FAT4: variants seen among roughly 807,000 people sequenced by gnomAD.
FAT4 encodes FAT atypical cadherin 4.
In FAT4, 84 loss-of-function variants were observed where a neutral mutation model predicts 303.9. That is an observed-to-expected ratio of 0.28 (90% CI 0.23 to 0.33). The LOEUF is 0.33. Among genes scored for constraint, FAT4 ranks in the 10% least tolerant of loss-of-function variants. The probability of loss-of-function intolerance (pLI) is 1.00; values close to 1 mark genes in which losing one functional copy is unlikely to be tolerated. For missense variants in FAT4, 6,005 were observed against 6,146.8 expected (o/e 0.98, Z 0.77); for synonymous variants, 2,307 against 2,298.8 (o/e 1.00, Z -0.10).
chr4:125,430,051 A>G (rs1041118105), intron 7 of FAT4, among the ~76,000 whole-genome samples: 3 of 152,022 alleles, frequency 2.0e-5, no homozygotes, highest in African/African-American at 7.2e-5. Flanking sequence ...TAGGAGATAT[A>G]CCTAATGTAA....
chr4:125,445,475 C>A (rs892537857), intron 8 of FAT4, among the ~76,000 whole-genome samples: 7 of 152,078 alleles, frequency 4.6e-5, no homozygotes, highest in African/African-American at 1.4e-4. Flanking sequence ...TTAAAGATAT[C>A]TATTTCCATG....
intron 2 of FAT4, among the ~76,000 whole-genome samples, chr4:125,331,369 G>A (rs1731376674): frequency 1.3e-5 from 2 of 152,124 alleles, no homozygotes; most frequent in South Asian, 2.1e-4. Context: ...TGAAGTAGGG[G>A]AGTCATTTTT....
chr4:125,403,862 A>G (rs2126016885), intron 3 of FAT4, among the ~76,000 whole-genome samples: 1 of 152,220 alleles, frequency 6.6e-6, no homozygotes, highest in East Asian at 1.9e-4. Context: ...AGCAAATGAG[A>G]GAGCTATTAG....
chr4:125,399,454 T>C (rs1305886728), intron 3 of FAT4, among the ~76,000 whole-genome samples: 1 of 152,024 alleles, frequency 6.6e-6, no homozygotes, highest in Non-Finnish European at 1.5e-5. Context: ...TTCTCTTTAC[T>C]GGGTAAGGAG....
Position 125,452,050 on chromosome 4 carries a change from G to T in FAT4, c.11040G>T (p.Thr3680=). The T allele has an allele frequency of 6.2e-7, 1 of 1,614,106 alleles. No homozygotes were observed. Among genetic ancestry groups the T allele is most frequent in the Middle Eastern group, 1.6e-4 (1 of 6,062 alleles). The change falls in exon 10 of 18, where the codon ACG becomes ACT. Residue 3680 remains threonine (T), a synonymous_variant. Coordinates refer to ENST00000394329, the MANE Select transcript of FAT4 (RefSeq NM_001291303.3). Reference sequence around the variant, plus strand: ...CCCAGCCAAGGTCCACAGATGGCACGTTTGATCTGACTGTCCTTAGCAATG... The same window carrying T: ...CCCAGCCAAGGTCCACAGATGGCACTTTTGATCTGACTGTCCTTAGCAATG... ...LNSQPRSTDG[T]FDLTVLSNDG... is the part of the protein sequence containing the mutation.
At chr4:125,486,137 C>G (rs753802274) in intron 16 of FAT4, among the ~76,000 whole-genome samples, 14 of 135,692 alleles carry the variant, frequency 1.0e-4, no homozygotes, top group Non-Finnish European at 2.3e-4. Context: ...TGGGAGAAGG[C>G]TTTTCCTTTT....
chr4:125,432,796 C>A (rs1725324872), intron 7 of FAT4, among the ~76,000 whole-genome samples: 1 of 126,864 alleles, frequency 7.9e-6, no homozygotes, highest in African/African-American at 3.0e-5. Flanking sequence ...TTAAATGAAA[C>A]ACTTAATATA....
intron 2 of FAT4, among the ~76,000 whole-genome samples, chr4:125,386,217 G>A (rs1213254243): frequency 1.3e-5 from 2 of 152,126 alleles, no homozygotes; most frequent in African/African-American, 4.8e-5. Flanking sequence ...TATTGAAACT[G>A]ATCTAAATGT....
At chr4:125,486,272 T>C (rs922501524) in intron 16 of FAT4, among the ~76,000 whole-genome samples, 3 of 152,232 alleles carry the variant, frequency 2.0e-5, no homozygotes, top group Admixed American at 1.3e-4. Flanking sequence ...GTTTTTTTTT[T>C]TTAGTTTGGT....
intron 12 of FAT4, among the ~76,000 whole-genome samples, chr4:125,473,640 A>T (rs1410406805): frequency 6.6e-6 from 1 of 152,032 alleles, no homozygotes; most frequent in Non-Finnish European, 1.5e-5. Context: ...CACATATGTA[A>T]GATAACCATA....
At position 125,450,527 on chromosome 4, in the gene FAT4, T is replaced by G; in HGVS notation, c.9517T>G (p.Trp3173Gly). The G allele has an allele frequency of 1.9e-6, 3 of 1,614,126 alleles. No individual in the cohort carries two copies. The highest frequency in any genetic ancestry group is 2.5e-6 in the Non-Finnish European group (3 of 1,180,010). The change falls in exon 10 of 18, where the codon TGG becomes GGG. Residue 3173 changes from tryptophan to glycine, a missense_variant. Physicochemically the swap from Trp to Gly is radical, Grantham distance 184. Coordinates refer to ENST00000394329, the MANE Select transcript of FAT4 (RefSeq NM_001291303.3). ...EMTISAIDGGWVARTGYCSVT... is the reference protein window; with the variant it reads ...EMTISAIDGGGVARTGYCSVT... ...GACGATTAGTGCTATAGATGGAGGATGGGTTGCAAGAACTGGTTACTGCAG... is the reference window on the plus strand; with the variant it reads ...GACGATTAGTGCTATAGATGGAGGAGGGGTTGCAAGAACTGGTTACTGCAG...
At chr4:125,411,070 C>A (rs977516527) in intron 5 of FAT4, among the ~76,000 whole-genome samples, 6 of 151,994 alleles carry the variant, frequency 3.9e-5, no homozygotes, top group African/African-American at 1.4e-4. Flanking sequence ...ATTAGTCAGA[C>A]ATTTTTTAAA....
chr4:125,371,477 G>C (rs553260736), intron 2 of FAT4, among the ~76,000 whole-genome samples: 3 of 151,864 alleles, frequency 2.0e-5, no homozygotes, highest in South Asian at 2.1e-4. Context: ...TATCTTCCTA[G>C]AGTCTATCCA....
intron 2 of FAT4, among the ~76,000 whole-genome samples, chr4:125,325,393 C>A (rs1194827874): frequency 6.6e-6 from 1 of 152,066 alleles, no homozygotes; most frequent in Non-Finnish European, 1.5e-5. Flanking sequence ...AATTTTTACT[C>A]GAAAGCTCAA....
intron 8 of FAT4, among the ~76,000 whole-genome samples, chr4:125,438,181 G>C (rs1218699003): frequency 6.6e-6 from 1 of 152,162 alleles, no homozygotes; most frequent in African/African-American, 2.4e-5. Context: ...TGTATGAGAT[G>C]TATAAATTCC....
Position 125,449,618 on chromosome 4 carries a change from A to G in FAT4, c.8608A>G (p.Asn2870Asp). The G allele has an allele frequency of 6.2e-7, 1 of 1,613,918 alleles. No individual in the cohort carries two copies. Among genetic ancestry groups the G allele is most frequent in the South Asian group, 1.1e-5 (1 of 91,066 alleles). The change falls in exon 10 of 18, where the codon AAT becomes GAT. Residue 2870 changes from asparagine (N) to aspartate (D), a missense_variant. Asn to Asp is a conservative substitution (Grantham distance 23, BLOSUM62 1). Transcript: ENST00000394329. ...AATATTTGTGACAGACATCAATGACAATGCTCCAAGATTTAGCAGAACTTC... is the reference window on the plus strand; with the variant it reads ...AATATTTGTGACAGACATCAATGACGATGCTCCAAGATTTAGCAGAACTTC... ...VTIFVTDIND[N>D]APRFSRTSYY...
rs1473618364 is a variant in FAT4 at position 125,463,639 on chromosome 4, G to A, written c.11877G>A (p.Val3959=). 3 of 1,594,816 alleles carry A rather than the reference G, an allele frequency of 1.9e-6. No individual in the cohort carries two copies. In the East Asian group the frequency reaches 6.7e-5, roughly 36 times the overall value. Residue 3959 remains valine (V), a synonymous_variant, in exon 11 of 18, where the codon GTG becomes GTA. Transcript: ENST00000394329. ...ATGGTGGTTCCTGCCAAAGTGGTGT[G>A]GATTCTTATTATTGTCATTGTCCAT... ...CFNGGSCQSG[V]DSYYCHCPFG...
At chr4:125,393,844 G>C in intron 2 of FAT4, 1 of 671,104 alleles carries the variant, frequency 1.5e-6, no homozygotes, top group Non-Finnish European at 2.8e-6. Flanking sequence ...TCATGTGTTT[G>C]TCTCTAAATA....
At chr4:125,366,369 A>G (rs898013947) in intron 2 of FAT4, among the ~76,000 whole-genome samples, 4 of 152,076 alleles carry the variant, frequency 2.6e-5, no homozygotes, top group Admixed American at 2.6e-4. Context: ...TTCTGTTCCC[A>G]GGTTAGTTGG....
Sources: allele counts gnomAD v4.1 joint callset (sites outside exome capture counted in the v4.1 genomes callset), GRCh38; gene constraint gnomAD v4.1.1; transcripts MANE v1.5; gene names NCBI Gene and HGNC (gene_info 2026-07-23, HGNC 2026-07-21).